Variants in OSBPL6 observed in about 807,000 individuals in gnomAD.
OSBPL6 encodes the protein oxysterol binding protein like 6.
In OSBPL6, 49 loss-of-function variants were observed where a neutral mutation model predicts 125.8. The ratio of observed to expected loss-of-function variants is 0.39; its 90% CI spans 0.31 to 0.49. The LOEUF (loss-of-function observed/expected upper bound fraction) is 0.49. OSBPL6 is among the 20% of genes least tolerant of loss of function. OSBPL6 has a pLI of 0.88. For missense variants in OSBPL6, 986 were observed against 1,135.4 expected, an observed-to-expected ratio of 0.87 and a Z score of 1.89; for synonymous variants, 394 against 391.8, an observed-to-expected ratio of 1.01 and a Z score of -0.07.
chr2:178,266,042 T>C (rs1005613618), intron 1 of OSBPL6, among the ~76,000 whole-genome samples: 8 of 152,082 alleles, frequency 5.3e-5, no homozygotes, highest in Non-Finnish European at 1.2e-4. Context: ...TTAGGCTGAA[T>C]TGGGATTAAC....
chr2:178,209,913 C>A (rs1042362179), intron 1 of OSBPL6, among the ~76,000 whole-genome samples: 2 of 151,672 alleles, frequency 1.3e-5, no homozygotes, highest in African/African-American at 4.8e-5. Flanking sequence ...GACATGGTGC[C>A]TTTTTTTCCC....
At chr2:178,321,554 T>A (rs1255591056) in intron 3 of OSBPL6, among the ~76,000 whole-genome samples, 1 of 152,218 alleles carries the variant, frequency 6.6e-6, no homozygotes, top group Non-Finnish European at 1.5e-5. Context: ...AGTGGATTAA[T>A]TTTTTATTAT....
chr2:178,261,464 G>C (rs1448986378), intron 1 of OSBPL6, among the ~76,000 whole-genome samples: 1 of 151,604 alleles, frequency 6.6e-6, no homozygotes, highest in African/African-American at 2.4e-5. Flanking sequence ...GAAAAGCATG[G>C]GGTAACTGAT....
intron 1 of OSBPL6, among the ~76,000 whole-genome samples, chr2:178,267,796 A>G (rs563101148): frequency 6.8e-6 from 1 of 147,858 alleles, no homozygotes; most frequent in African/African-American, 2.5e-5. Flanking sequence ...TATAAGCAAC[A>G]TATAAAATGT....
At chr2:178,393,133 TG>T (rs1343636579) in intron 23 of OSBPL6, among the ~76,000 whole-genome samples, 2 of 152,348 alleles carry the variant, frequency 1.3e-5, no homozygotes, top group African/African-American at 4.8e-5. Flanking sequence ...TCTGTAAATT[TG>T]TGAACTCTTT....
intron 4 of OSBPL6, among the ~76,000 whole-genome samples, chr2:178,326,352 T>C (rs1688696599): frequency 6.6e-6 from 1 of 152,162 alleles, no homozygotes; most frequent in South Asian, 2.1e-4. Context: ...TGTTATTAGA[T>C]TAAAAGTATT....
intron 3 of OSBPL6, among the ~76,000 whole-genome samples, chr2:178,312,157 A>ATT (rs67156772): frequency 2.3e-4 from 23 of 101,202 alleles, no homozygotes; most frequent in South Asian, 1.1e-3. Flanking sequence ...GATTTTTGTA[A>ATT]TTTTTTTTTT....
chr2:178,220,782 T>C (rs985214969), intron 1 of OSBPL6, among the ~76,000 whole-genome samples: 1 of 152,244 alleles, frequency 6.6e-6, no homozygotes, highest in Non-Finnish European at 1.5e-5. Context: ...TATGCAGCCA[T>C]ACTCTGTCAC....
Position 178,385,450 on chromosome 2 carries a change from A to G in OSBPL6, c.2014-8A>G, listed in dbSNP as rs748199511. The G allele has an allele frequency of 6.2e-7, 1 of 1,601,424 alleles. No individual in the cohort carries two copies. Among genetic ancestry groups the G allele is most frequent in the Non-Finnish European group, 8.5e-7 (1 of 1,171,670 alleles). On this transcript the variant is annotated splice_region_variant and splice_polypyrimidine_tract_variant and intron_variant, in intron 18 of 24. Coordinates refer to ENST00000190611, the MANE Select transcript of OSBPL6 (RefSeq NM_032523.4). Reference sequence around the variant, plus strand: ...TGATACTGCCTTTTTTTTGTTTTTAATTACCAGGTTAGCCATCATCCACCC... The same window carrying G: ...TGATACTGCCTTTTTTTTGTTTTTAGTTACCAGGTTAGCCATCATCCACCC...
At chr2:178,213,971 T>C (rs2089980153) in intron 1 of OSBPL6, among the ~76,000 whole-genome samples, 1 of 152,204 alleles carries the variant, frequency 6.6e-6, no homozygotes, top group Non-Finnish European at 1.5e-5. Flanking sequence ...CTACTAAATA[T>C]GCCAACAGCA....
chr2:178,281,088 C>T (rs1245810515), intron 1 of OSBPL6, among the ~76,000 whole-genome samples: 1 of 149,056 alleles, frequency 6.7e-6, no homozygotes, highest in Non-Finnish European at 1.5e-5. Flanking sequence ...GATCTAGGCT[C>T]ATTGAAACCT....
chr2:178,224,886 G>A (rs2090484011), intron 1 of OSBPL6, among the ~76,000 whole-genome samples: 1 of 152,216 alleles, frequency 6.6e-6, no homozygotes, highest in African/African-American at 2.4e-5. Flanking sequence ...AGTGAGCTGA[G>A]ATTGTACCAC....
intron 12 of OSBPL6, among the ~76,000 whole-genome samples, chr2:178,354,166 A>G (rs1402645640): frequency 6.6e-6 from 1 of 152,248 alleles, no homozygotes; most frequent in Non-Finnish European, 1.5e-5. Flanking sequence ...TGCTATGAAG[A>G]AACTGCGTCA....
intron 13 of OSBPL6, among the ~76,000 whole-genome samples, chr2:178,369,012 G>C (rs1262498996): frequency 6.6e-6 from 1 of 152,040 alleles, no homozygotes; most frequent in Non-Finnish European, 1.5e-5. Flanking sequence ...GGCCAGACTG[G>C]TCTCAAACTC....
intron 9 of OSBPL6, among the ~76,000 whole-genome samples, chr2:178,338,666 C>T (rs891077239): frequency 6.6e-6 from 1 of 152,194 alleles, no homozygotes; most frequent in Non-Finnish European, 1.5e-5. Flanking sequence ...AATGAAACCA[C>T]AGGACTGCTG....
At chr2:178,331,706 T>G (rs1328431470) in intron 6 of OSBPL6, 101 bp downstream of exon 6, 3 of 1,262,630 alleles carry the variant, frequency 2.4e-6, no homozygotes, top group Non-Finnish European at 3.5e-6. Flanking sequence ...GTTACCAGCT[T>G]TGTGCATGTC....
At chr2:178,346,040 G>C (rs1044557986) in intron 11 of OSBPL6, among the ~76,000 whole-genome samples, 25 of 152,136 alleles carry the variant, frequency 1.6e-4, no homozygotes, top group Non-Finnish European at 3.2e-4. Context: ...ATTTAATAAG[G>C]TATTCAGGAA....
intron 1 of OSBPL6, among the ~76,000 whole-genome samples, chr2:178,272,640 A>G (rs1173263810): frequency 1.3e-5 from 2 of 152,146 alleles, no homozygotes; most frequent in Non-Finnish European, 2.9e-5. Context: ...CTCCTCTCTC[A>G]GTTTGCTTCA....
rs753761890 is a variant in OSBPL6, at chr2:178,396,504, A to G, written c.*945A>G. ...ACCTTAAAAGGAAATAACAAAAAGC[A>G]TATGGAATTCCTGTGTGGGCTTAGT... On this transcript the variant is annotated 3_prime_UTR_variant, in exon 25 of 25. Coordinates refer to ENST00000190611, the MANE Select transcript of OSBPL6 (RefSeq NM_032523.4). 3 of 152,262 alleles carry G rather than the reference A, an allele frequency of 2.0e-5. No homozygotes were observed. The highest frequency in any genetic ancestry group is 2.9e-5 in the Non-Finnish European group (2 of 68,054). 9.4% of individuals were successfully genotyped at this position (152,262 alleles called of 1,614,324 possible).
Sources: gnomAD v4.1 joint callset for allele counts (sites outside exome capture counted in the v4.1 genomes callset) on GRCh38, gnomAD v4.1.1 for gene constraint, MANE v1.5 for transcripts, NCBI Gene and HGNC (gene_info 2026-07-23, HGNC 2026-07-21) for gene names.